Variants in PROM1 observed in about 807,000 individuals in gnomAD.
PROM1 encodes the protein prominin-1.
In PROM1, 105 loss-of-function variants were observed where a neutral mutation model predicts 116.9. The ratio of observed to expected loss-of-function variants is 0.90; its 90% confidence interval spans 0.77 to 1.06. The LOEUF (loss-of-function observed/expected upper bound fraction) is 1.06, where lower values mean the gene tolerates loss of function less well. PROM1 is among the 50% of genes least tolerant of loss of function. The pLI is 0.00. For missense variants in PROM1, 1,122 were observed against 1,045.2 expected, an observed-to-expected ratio of 1.07 and a Z score of -1.01; for synonymous variants, 393 against 387.0, an observed-to-expected ratio of 1.02 and a Z score of -0.18.
At chr4:16,062,872 T>G in intron 2 of PROM1, among the ~76,000 whole-genome samples, 1 of 152,206 alleles carries the variant, frequency 6.6e-6, no homozygotes, top group East Asian at 1.9e-4. Context: ...GATATAATGT[T>G]AAGTAAAAAG....
At position 15,985,940 on chromosome 4, in the gene PROM1, TAA is replaced by T; in HGVS notation, c.2211+15_2211+16del. ...TGCCCACTTATGGACACGCTTACTT[TAA>T]AAAAGAAGGCTCACCTCAATAATAA... is the stretch of plus-strand genomic sequence containing the variant. On this transcript the variant is annotated intron_variant, in intron 21 of 27. Transcript: ENST00000447510. 1 of 792,564 alleles carries T rather than the reference TAA, an allele frequency of 1.3e-6. No individual in the cohort carries two copies. Among genetic ancestry groups the T allele is most frequent in the South Asian group, 3.4e-5 (1 of 29,244 alleles). 49.1% of individuals were successfully genotyped at this position (792,564 alleles called of 1,614,324 possible). A position where few individuals can be genotyped will look rare whatever the true frequency, so the allele number is the denominator to read the frequency against.
At chr4:16,012,676 C>T (rs571151794) in intron 11 of PROM1, among the ~76,000 whole-genome samples, 1 of 151,976 alleles carries the variant, frequency 6.6e-6, no homozygotes, top group African/African-American at 2.4e-5. Context: ...CGAGACCATC[C>T]TGGCTAACAC....
chr4:15,989,460 G>T (rs1040162586), intron 19 of PROM1, among the ~76,000 whole-genome samples: 1 of 152,246 alleles, frequency 6.6e-6, no homozygotes, highest in Non-Finnish European at 1.5e-5. Flanking sequence ...GCATAGGAGG[G>T]CCTGCTCACA....
chr4:15,977,420 A>G (rs567894050), intron 26 of PROM1, among the ~76,000 whole-genome samples: 7 of 152,216 alleles, frequency 4.6e-5, no homozygotes, highest in African/African-American at 1.7e-4. Context: ...AGCATGCTAC[A>G]CCGCAAAAAG....
chr4:15,997,262 G>A (rs961982355), intron 15 of PROM1, among the ~76,000 whole-genome samples: 1 of 143,880 alleles, frequency 7.0e-6, no homozygotes, highest in African/African-American at 2.6e-5. Context: ...ATATATATAT[G>A]AAATATATAT....
intron 2 of PROM1, among the ~76,000 whole-genome samples, chr4:16,055,685 A>G (rs1738831369): frequency 6.6e-6 from 1 of 152,216 alleles, no homozygotes; most frequent in Non-Finnish European, 1.5e-5. Context: ...ACAGATGTGA[A>G]AACGGTCAAC....
chr4:16,068,162 G>A (rs1390495075), intron 2 of PROM1, among the ~76,000 whole-genome samples: 2 of 152,142 alleles, frequency 1.3e-5, no homozygotes, highest in African/African-American at 4.8e-5. Context: ...AGTGCCCTGA[G>A]AGAACCCGGA....
intron 14 of PROM1, among the ~76,000 whole-genome samples, 182 bp from the exon 15 acceptor site, chr4:15,998,670 T>C (rs566616959): frequency 1.3e-5 from 2 of 152,376 alleles, no homozygotes; most frequent in South Asian, 4.1e-4. Context: ...ATTTATTATA[T>C]TTATTGATGG....
chr4:16,032,021 C>T (rs1280114303), intron 5 of PROM1, among the ~76,000 whole-genome samples: 1 of 152,062 alleles, frequency 6.6e-6, no homozygotes, highest in Non-Finnish European at 1.5e-5. Context: ...AAATGAGTTT[C>T]CTTCCTTCCC....
chr4:16,011,496 A>G (rs1336911516), intron 11 of PROM1, among the ~76,000 whole-genome samples: 3 of 152,222 alleles, frequency 2.0e-5, no homozygotes, highest in Non-Finnish European at 4.4e-5. Flanking sequence ...GGCTCTAGGA[A>G]GACACTGGCT....
At chr4:16,024,489 C>T (rs1489215873) in intron 6 of PROM1, 131 bp from the exon 7 acceptor site, 6 of 698,048 alleles carry the variant, frequency 8.6e-6, no homozygotes, top group Non-Finnish European at 1.2e-5. Context: ...TTCCTAGAAA[C>T]CTTTCTGCTT....
chr4:15,976,398 C>T (rs974724106), intron 26 of PROM1, among the ~76,000 whole-genome samples: 6 of 152,230 alleles, frequency 3.9e-5, no homozygotes, highest in Non-Finnish European at 8.8e-5. Context: ...GCTACGACAA[C>T]CTTCTTGAGC....
chr4:16,079,182 C>G (rs1211650929), intron 1 of PROM1: 1 of 152,214 alleles, frequency 6.6e-6, no homozygotes, highest in Non-Finnish European at 1.5e-5. Flanking sequence ...GGCCCACTTT[C>G]TGGTAATTCC....
chr4:16,051,428 G>C (rs1737867441), intron 2 of PROM1, among the ~76,000 whole-genome samples: 2 of 152,204 alleles, frequency 1.3e-5, no homozygotes, highest in South Asian at 4.1e-4. Context: ...CCTTTTGAGT[G>C]CTGGGAAACA....
Position 16,025,288 on chromosome 4 carries a change from C to T in PROM1, c.534G>A (p.Val178=). The change falls in exon 6 of 28, where the codon GTG becomes GTA. Residue 178 remains valine, a synonymous_variant. Transcript: ENST00000447510. ...TCCGGGTTCTTACCTGGTGATTTGC[C>T]ACAAAACCATAGAAGATGCCAATGC... The part of the protein sequence containing the change: ...IISIGIFYGF[V]ANHQVRTRIK... 3 of 1,613,894 alleles carry T rather than the reference C, an allele frequency of 1.9e-6. No homozygotes were observed. Among genetic ancestry groups the T allele is most frequent in the Admixed American group, 3.3e-5 (2 of 60,016 alleles).
intron 3 of PROM1, among the ~76,000 whole-genome samples, chr4:16,038,563 C>T (rs778741089): frequency 6.6e-6 from 1 of 151,986 alleles, no homozygotes. Flanking sequence ...CCACCACGCC[C>T]GGCTAATTTT....
intron 25 of PROM1, 101 bp from the exon 26 acceptor site, chr4:15,979,564 T>G: frequency 7.0e-7 from 1 of 1,424,992 alleles, no homozygotes; most frequent in Non-Finnish European, 9.2e-7. Context: ...GAAAAGTATG[T>G]AACAATTTGT....
intron 13 of PROM1, 109 bp downstream of exon 13, chr4:16,006,429 C>T: frequency 1.5e-6 from 2 of 1,309,326 alleles, no homozygotes; most frequent in East Asian, 2.6e-5. Flanking sequence ...GGAGCTGGAA[C>T]CCCGCGTACG....
chr4:16,022,213 G>T (rs535233416), intron 8 of PROM1, among the ~76,000 whole-genome samples: 1 of 152,256 alleles, frequency 6.6e-6, no homozygotes, highest in Admixed American at 6.5e-5. Flanking sequence ...AGCCAGGACA[G>T]GAAGGCAGGA....
Sources: gnomAD v4.1 joint callset for allele counts (sites outside exome capture counted in the v4.1 genomes callset) on GRCh38, gnomAD v4.1.1 for gene constraint, MANE v1.5 for transcripts, NCBI Gene and HGNC (gene_info 2026-07-23, HGNC 2026-07-21) for gene names.